BMERB1: variants seen among roughly 807,000 people sequenced by gnomAD.
The protein encoded by BMERB1 is bMERB domain containing 1.
A neutral mutation model predicts 23.6 loss-of-function variants in BMERB1; 12 were observed. That is an observed-to-expected ratio of 0.51 (90% CI 0.33 to 0.82). The LOEUF (loss-of-function observed/expected upper bound fraction) is 0.82. Ranked by LOEUF, BMERB1 falls within the 40% of genes least tolerant of loss-of-function variation. The pLI is 0.03. For missense variants in BMERB1, 247 were observed against 255.4 expected (o/e 0.97, Z 0.22); for synonymous variants, 122 against 96.6 (o/e 1.26, Z -1.54).
intron 1 of BMERB1, among the ~76,000 whole-genome samples, chr16:15,443,382 T>C (rs2050957939): frequency 2.8e-5 from 1 of 36,248 alleles, no homozygotes; most frequent in Admixed American, 4.1e-4. Flanking sequence ...GGCGAAACCC[T>C]GTCTCTACCA....
chr16:15,533,576 C>T (rs2051991293), intron 2 of BMERB1, among the ~76,000 whole-genome samples: 1 of 152,034 alleles, frequency 6.6e-6, no homozygotes, highest in Non-Finnish European at 1.5e-5. Flanking sequence ...CCTCTCCTCA[C>T]TCCTCTCTGA....
intron 2 of BMERB1, among the ~76,000 whole-genome samples, chr16:15,532,197 G>A (rs1001900473): frequency 1.3e-5 from 2 of 152,048 alleles, no homozygotes; most frequent in Non-Finnish European, 2.9e-5. Flanking sequence ...GTTGGGTTCT[G>A]CCAAACGTGG....
intron 4 of BMERB1, 47 bp from the exon 5 acceptor site, chr16:15,583,109 C>G: frequency 7.0e-7 from 1 of 1,425,492 alleles, no homozygotes; most frequent in Non-Finnish European, 9.9e-7. Context: ...TGATGCTTTC[C>G]TTGCTTGCTG....
At chr16:15,446,941 TTGAA>T (rs1178991663) in intron 1 of BMERB1, among the ~76,000 whole-genome samples, 1 of 152,180 alleles carries the variant, frequency 6.6e-6, no homozygotes, top group African/African-American at 2.4e-5. Context: ...AAGGCTTTCT[TTGAA>T]TGATCAAGAA....
At chr16:15,480,489 C>A (rs535711522) in intron 1 of BMERB1, among the ~76,000 whole-genome samples, 6 of 151,814 alleles carry the variant, frequency 4.0e-5, no homozygotes, top group Non-Finnish European at 7.4e-5. Context: ...CCTATCCCTA[C>A]TAATTTGTAA....
intron 1 of BMERB1, among the ~76,000 whole-genome samples, chr16:15,437,260 G>C (rs1891767633): frequency 6.6e-6 from 1 of 152,178 alleles, no homozygotes; most frequent in African/African-American, 2.4e-5. Flanking sequence ...CTGTTCACAA[G>C]AGTGCTGCTT....
At chr16:15,440,102 A>G (rs1032911159) in intron 1 of BMERB1, among the ~76,000 whole-genome samples, 2 of 151,802 alleles carry the variant, frequency 1.3e-5, no homozygotes, top group African/African-American at 2.4e-5. Flanking sequence ...AAAATTAGCC[A>G]GGCGTGGTGA....
At chr16:15,540,318 G>C (rs1360751367) in intron 2 of BMERB1, among the ~76,000 whole-genome samples, 2 of 151,832 alleles carry the variant, frequency 1.3e-5, no homozygotes, top group African/African-American at 4.8e-5. Context: ...TTGAGGCCAG[G>C]AGTTCAAGAC....
chr16:15,437,712 A>G (rs993616952), intron 1 of BMERB1, among the ~76,000 whole-genome samples: 2 of 152,150 alleles, frequency 1.3e-5, no homozygotes, highest in African/African-American at 2.4e-5. Flanking sequence ...CAATCCCAGC[A>G]CTTTGGGAGG....
chr16:15,472,634 T>C (rs879446846), intron 1 of BMERB1, among the ~76,000 whole-genome samples: 1 of 152,162 alleles, frequency 6.6e-6, no homozygotes, highest in Non-Finnish European at 1.5e-5. Context: ...TATCATTATA[T>C]TTGAAGTGAG....
intron 2 of BMERB1, among the ~76,000 whole-genome samples, chr16:15,546,226 TGTG>T (rs1291150551): frequency 2.6e-5 from 4 of 152,138 alleles, no homozygotes; most frequent in Admixed American, 2.6e-4. Context: ...AGATTGAGGC[TGTG>T]GTGAGCCATG....
intron 2 of BMERB1, among the ~76,000 whole-genome samples, chr16:15,544,863 C>T (rs1285052651): frequency 6.6e-6 from 1 of 152,234 alleles, no homozygotes; most frequent in Non-Finnish European, 1.5e-5. Context: ...GGAAGACACT[C>T]TATCAGAGAA....
chr16:15,472,474 A>AATC (rs757655201), intron 1 of BMERB1, among the ~76,000 whole-genome samples: 6 of 152,184 alleles, frequency 3.9e-5, no homozygotes, highest in Non-Finnish European at 7.3e-5. Flanking sequence ...TCTTCTTGAT[A>AATC]GGTTGACCCT....
At chr16:15,510,523 T>C (rs1250721658) in intron 1 of BMERB1, among the ~76,000 whole-genome samples, 1 of 152,046 alleles carries the variant, frequency 6.6e-6, no homozygotes, top group Non-Finnish European at 1.5e-5. Context: ...ATCCCTCACA[T>C]CTGTTTTGGG....
intron 2 of BMERB1, chr16:15,536,693 C>A (rs2150961391): frequency 6.6e-6 from 1 of 152,322 alleles, no homozygotes; most frequent in East Asian, 1.9e-4. Flanking sequence ...ACATGGAGAA[C>A]TTTAAAGAAA....
intron 1 of BMERB1, among the ~76,000 whole-genome samples, chr16:15,511,237 G>A (rs1483912689): frequency 6.6e-6 from 1 of 151,974 alleles, no homozygotes; most frequent in Non-Finnish European, 1.5e-5. Flanking sequence ...CTCTCCCCAA[G>A]CCACAGCCTG....
chr16:15,522,637 A>G (rs2051867177), intron 2 of BMERB1, among the ~76,000 whole-genome samples: 1 of 152,202 alleles, frequency 6.6e-6, no homozygotes, highest in South Asian at 2.1e-4. Flanking sequence ...TCTCTTGCCC[A>G]TGGTTGTACA....
chr16:15,436,721 C>G (rs977019434), intron 1 of BMERB1, among the ~76,000 whole-genome samples: 1 of 152,000 alleles, frequency 6.6e-6, no homozygotes, highest in African/African-American at 2.4e-5. Flanking sequence ...TGGTAACCAT[C>G]ATTCTACTCT....
intron 2 of BMERB1, among the ~76,000 whole-genome samples, chr16:15,558,650 T>C (rs1391479821): frequency 6.6e-6 from 1 of 151,990 alleles, no homozygotes; most frequent in East Asian, 1.9e-4. Flanking sequence ...TAGCGACATA[T>C]ATGTGACATA....
Sources: gnomAD v4.1 joint callset for allele counts (sites outside exome capture counted in the v4.1 genomes callset) on GRCh38, gnomAD v4.1.1 for gene constraint, MANE v1.5 for transcripts, NCBI Gene and HGNC (gene_info 2026-07-23, HGNC 2026-07-21) for gene names.